Variants in BNIP3 observed in about 807,000 individuals in gnomAD.
BNIP3 encodes the protein BCL2/adenovirus E1B 19 kDa protein-interacting protein 3.
In BNIP3, 16 loss-of-function variants were observed where a neutral mutation model predicts 23.9. That is an observed-to-expected ratio of 0.67 (90% confidence interval 0.45 to 1.01). The LOEUF (loss-of-function observed/expected upper bound fraction) is 1.01, where lower values mean the gene tolerates loss of function less well. Ranked by LOEUF, BNIP3 falls within the 50% of genes least tolerant of loss-of-function variation. The pLI is 0.00. For synonymous variants in BNIP3, 81 were observed against 89.3 expected, an observed-to-expected ratio of 0.91 and a Z score of 0.53; for missense variants, 198 against 248.7, an observed-to-expected ratio of 0.80 and a Z score of 1.37.
At chr10:131,979,445 G>C (rs1564836327) in intron 1 of BNIP3, among the ~76,000 whole-genome samples, 1 of 152,176 alleles carries the variant, frequency 6.6e-6, no homozygotes, top group Admixed American at 6.5e-5. Flanking sequence ...CGGCCCTCCA[G>C]AGTAAATGGG....
At chr10:131,981,736 T>C in intron 1 of BNIP3, 25 bp downstream of exon 1, 1 of 1,461,734 alleles carries the variant, frequency 6.8e-7, no homozygotes, top group Non-Finnish European at 9.0e-7. Flanking sequence ...CCCCCTCGGC[T>C]CCCGCGCCGC....
chr10:131,970,790 G>A lies in BNIP3; in HGVS notation c.390-3C>T, dbSNP rs778819329. On this transcript the variant is annotated splice_region_variant and splice_polypyrimidine_tract_variant and intron_variant, in intron 4 of 5. Transcript: ENST00000368636. The surrounding 1 kb of genome is among the most constrained non-coding windows in gnomAD (Gnocchi z 4.1). ...TCGGGTGTTTAAAGAGGAACTCCCT[G>A]AGGCGGGAAGAAACGTGTCAGCTGA... 5.0e-6 allele frequency: 8 copies of A among 1,614,140 alleles called. No individual in the cohort carries two copies. The highest frequency in any genetic ancestry group is 1.6e-4 in the Middle Eastern group (1 of 6,084).
At chr10:131,980,295 A>T (rs2037109615) in intron 1 of BNIP3, 2 of 152,232 alleles carry the variant, frequency 1.3e-5, no homozygotes, top group African/African-American at 4.8e-5. Flanking sequence ...ACAACCGGAA[A>T]ATGGGTGATT....
At chr10:131,981,726 C>T (rs1384522405) in intron 1 of BNIP3, 35 bp downstream of exon 1, 1 of 1,461,148 alleles carries the variant, frequency 6.8e-7, no homozygotes, top group Non-Finnish European at 9.0e-7. Context: ...CCCCCCCGCG[C>T]CCCCTCGGCT....
chr10:131,977,289 A>G (rs557982239), intron 1 of BNIP3, among the ~76,000 whole-genome samples: 7 of 152,234 alleles, frequency 4.6e-5, no homozygotes, highest in African/African-American at 1.7e-4. Context: ...AAAAAAAGAC[A>G]CTGCTCAGGA....
At chr10:131,972,361 G>A (rs2037042828) in intron 3 of BNIP3, among the ~76,000 whole-genome samples, 1 of 152,130 alleles carries the variant, frequency 6.6e-6, no homozygotes, top group Admixed American at 6.5e-5. Flanking sequence ...GGGCAACACA[G>A]GGAGACCCCG....
intron 1 of BNIP3, 116 bp from the exon 2 acceptor site, chr10:131,974,059 A>C: frequency 7.4e-7 from 1 of 1,352,586 alleles, no homozygotes; most frequent in Non-Finnish European, 1.0e-6. Context: ...GTGCCACACC[A>C]GGAACCATCC....
chr10:131,981,903 G>A lies in BNIP3; in HGVS notation c.-97C>T, dbSNP rs897879938. 72 of 1,321,692 alleles carry A rather than the reference G, an allele frequency of 5.4e-5. No homozygotes were observed. Among genetic ancestry groups the A allele is most frequent in the Admixed American group, 7.9e-5 (2 of 25,168 alleles). The allele number at this position is 1,321,692 out of a possible 1,614,324, so 81.9% of individuals were successfully genotyped here. A position where few individuals can be genotyped will look rare whatever the true frequency, so the allele number is the denominator to read the frequency against. On this transcript the variant is annotated 5_prime_UTR_variant, in exon 1 of 6. Transcript: ENST00000368636. ...GGAAAGCGGAGGTCGGAGCGCCGCGGCCCAGCTGCGCTCCCGGACTGAGCG... is the reference window on the plus strand; with the variant it reads ...GGAAAGCGGAGGTCGGAGCGCCGCGACCCAGCTGCGCTCCCGGACTGAGCG...
At chr10:131,969,537 C>CA (rs2037003797) in intron 5 of BNIP3, 2 of 152,292 alleles carry the variant, frequency 1.3e-5, no homozygotes, top group African/African-American at 4.8e-5. Context: ...GAAAGCCACG[C>CA]ACACGGGAGG....
chr10:131,968,456 C>T lies in BNIP3; in HGVS notation c.*68G>A, dbSNP rs923979751. 11 of 1,331,148 alleles carry T rather than the reference C, an allele frequency of 8.3e-6. No individual in the cohort carries two copies. The African/African-American group carries it at 1.2e-4, about 14-fold the overall frequency. 82.5% of individuals were successfully genotyped at this position (1,331,148 alleles called of 1,614,324 possible). The stretch of plus-strand genomic sequence containing the variant: ...GTGGCCACCCCAGGATCTAACAGCT[C>T]TTCAGTGAGCTATGTTGCAAGCTCA... On this transcript the variant is annotated 3_prime_UTR_variant, in exon 6 of 6. Coordinates refer to ENST00000368636, the MANE Select transcript of BNIP3 (RefSeq NM_004052.4).
In BNIP3 at chr10:131,970,731, C is replaced by G; in HGVS notation, c.446G>C (p.Ser149Thr). Reference protein sequence around the residue: ...RTATLSMRNTSVMKKGGIFSA... With the variant: ...RTATLSMRNTTVMKKGGIFSA... Reference sequence around the variant, plus strand: ...GAATATGCCCCCTTTCTTCATGACGCTCGTGTTCCTCATGCTGAGGGTGGC... The same window carrying G: ...GAATATGCCCCCTTTCTTCATGACGGTCGTGTTCCTCATGCTGAGGGTGGC... Residue 149 changes from serine to threonine, a missense_variant, in exon 5 of 6, where the codon AGC becomes ACC. Transcript: ENST00000368636. The surrounding 1 kb of genome is among the most constrained non-coding windows in gnomAD (Gnocchi z 4.1). 1 of 1,614,170 alleles carries G rather than the reference C, an allele frequency of 6.2e-7. No homozygotes were observed. Among genetic ancestry groups the G allele is most frequent in the Admixed American group, 1.7e-5 (1 of 60,028 alleles).
chr10:131,973,359 A>T (rs2133692982), intron 2 of BNIP3: 1 of 521,072 alleles, frequency 1.9e-6, no homozygotes, highest in African/African-American at 1.9e-5. Flanking sequence ...ACTGGCAAGC[A>T]GCTGGCTTTG....
chr10:131,979,495 G>A (rs1257267144), intron 1 of BNIP3, among the ~76,000 whole-genome samples: 2 of 152,136 alleles, frequency 1.3e-5, no homozygotes, highest in South Asian at 4.1e-4. Context: ...GGTGAAGACA[G>A]TGGGTCCTTC....
chr10:131,979,741 TAGAA>T (rs1266615614), intron 1 of BNIP3, among the ~76,000 whole-genome samples: 2 of 152,062 alleles, frequency 1.3e-5, no homozygotes, highest in East Asian at 1.9e-4. Context: ...GATCAAGAGA[TAGAA>T]AGGAACAGAA....
chr10:131,972,062 A>C (rs1176501192), intron 3 of BNIP3, among the ~76,000 whole-genome samples: 5 of 152,234 alleles, frequency 3.3e-5, no homozygotes, highest in African/African-American at 1.2e-4. Context: ...ATCTGCAGCA[A>C]GGTAAGGCAC....
At position 131,973,911 on chromosome 10, in the gene BNIP3, C is replaced by T. The variant is rs769743129; in HGVS notation, c.79G>A (p.Gly27Arg). The change falls in exon 2 of 6, where the codon GGG (glycine) becomes AGG (arginine). Residue 27 changes from glycine (G) to arginine (R), a missense_variant. By Grantham distance (125) the Gly-to-Arg change is moderately radical (BLOSUM62 -2). Transcript: ENST00000368636. Reference protein sequence around the residue: ...SWVELHFSNNGNGGSVPASVS... With the variant: ...SWVELHFSNNRNGGSVPASVS... ...GAGGCTGGAACGCTGCCCCCGTTCC[C>T]ATTATTGCTGAAGTGCAGTTCTACC... 1.7e-5 allele frequency: 27 copies of T among 1,613,792 alleles called. No individual in the cohort carries two copies. Among genetic ancestry groups the T allele is most frequent in the Non-Finnish European group, 2.2e-5 (26 of 1,180,060 alleles).
intron 3 of BNIP3, 138 bp downstream of exon 3, chr10:131,972,896 G>A (rs1286911227): frequency 4.3e-5 from 35 of 806,990 alleles, no homozygotes; most frequent in South Asian, 9.0e-5. Flanking sequence ...TTTTTGTTTC[G>A]CTTTTTTGTT....
chr10:131,978,346 A>G (rs1262141463), intron 1 of BNIP3, among the ~76,000 whole-genome samples: 1 of 151,964 alleles, frequency 6.6e-6, no homozygotes, highest in Non-Finnish European at 1.5e-5. Flanking sequence ...CAGTCCAACA[A>G]GAGTTCTTAA....
chr10:131,978,920 G>C (rs2037098613), intron 1 of BNIP3, among the ~76,000 whole-genome samples: 1 of 152,144 alleles, frequency 6.6e-6, no homozygotes, highest in Non-Finnish European at 1.5e-5. Flanking sequence ...AAGCTTCTCA[G>C]GTTAGTGGGG....
Sources: allele counts gnomAD v4.1 joint callset (sites outside exome capture counted in the v4.1 genomes callset), GRCh38; gene constraint gnomAD v4.1.1; non-coding constraint Gnocchi (gnomAD v3.1); transcripts MANE v1.5; gene names NCBI Gene and HGNC (gene_info 2026-07-23, HGNC 2026-07-21).